Variants in XIRP2 observed in about 807,000 individuals in gnomAD.
XIRP2 encodes the protein xin actin binding repeat containing 2.
XIRP2 carries 236 observed loss-of-function variants against 277.0 expected under a neutral mutation model. The ratio of observed to expected loss-of-function variants is 0.85; its 90% confidence interval spans 0.77 to 0.95. The LOEUF (loss-of-function observed/expected upper bound fraction) is 0.95, where lower values mean the gene tolerates loss of function less well. Among genes scored for constraint, XIRP2 ranks in the 40% least tolerant of loss-of-function variants. The pLI is 0.00. For synonymous variants in XIRP2, 1,490 were observed against 1,416.5 expected, an observed-to-expected ratio of 1.05 and a Z score of -1.17; for missense variants, 4,640 against 4,157.5, an observed-to-expected ratio of 1.12 and a Z score of -3.19.
chr2:167,176,395 C>T (rs932980542), intron 3 of XIRP2, among the ~76,000 whole-genome samples: 2 of 152,150 alleles, frequency 1.3e-5, no homozygotes, highest in African/African-American at 2.4e-5. Flanking sequence ...AGATATCACC[C>T]GCCTTCTGCA....
chr2:167,102,892 G>A (rs1017954468), intron 2 of XIRP2, among the ~76,000 whole-genome samples: 1 of 152,086 alleles, frequency 6.6e-6, no homozygotes, highest in Non-Finnish European at 1.5e-5. Flanking sequence ...TGTCACTTGG[G>A]CAGTTTTATA....
chr2:166,977,557 C>T (rs1686747243), intron 2 of XIRP2, among the ~76,000 whole-genome samples: 1 of 152,146 alleles, frequency 6.6e-6, no homozygotes, highest in African/African-American at 2.4e-5. Context: ...CCCTTCAGTT[C>T]ACTTTATATT....
At chr2:167,122,414 G>A (rs536434900) in intron 2 of XIRP2, among the ~76,000 whole-genome samples, 35 of 152,276 alleles carry the variant, frequency 2.3e-4, no homozygotes, top group African/African-American at 7.9e-4. Flanking sequence ...CACATTCTAG[G>A]AGAAGCAAGG....
chr2:167,177,380 A>T (rs1394662663), intron 3 of XIRP2, among the ~76,000 whole-genome samples: 3 of 152,184 alleles, frequency 2.0e-5, no homozygotes, highest in Non-Finnish European at 2.9e-5. Flanking sequence ...TGTTATTTTA[A>T]GAATGTTTTC....
At chr2:167,008,039 A>T (rs912631325) in intron 2 of XIRP2, among the ~76,000 whole-genome samples, 1 of 151,434 alleles carries the variant, frequency 6.6e-6, no homozygotes, top group African/African-American at 2.4e-5. Flanking sequence ...TTGTCTTCTT[A>T]AAGGGGATGT....
intron 2 of XIRP2, among the ~76,000 whole-genome samples, chr2:167,023,090 A>G (rs1688032960): frequency 6.6e-6 from 1 of 152,018 alleles, no homozygotes; most frequent in African/African-American, 2.4e-5. Flanking sequence ...AAGTATTCCT[A>G]TTTCTCCACA....
chr2:166,928,664 A>G (rs896300763), intron 2 of XIRP2, among the ~76,000 whole-genome samples: 9 of 152,270 alleles, frequency 5.9e-5, no homozygotes, highest in Non-Finnish European at 1.0e-4. Flanking sequence ...TTGTGATTTA[A>G]TCAATGTTTC....
intron 2 of XIRP2, among the ~76,000 whole-genome samples, chr2:167,104,228 T>C (rs1417298662): frequency 6.6e-6 from 1 of 152,166 alleles, no homozygotes; most frequent in Non-Finnish European, 1.5e-5. Flanking sequence ...AATTACTTTT[T>C]GTGTTTCATT....
chr2:167,010,044 T>C (rs1248099389), intron 2 of XIRP2, among the ~76,000 whole-genome samples: 13 of 152,132 alleles, frequency 8.5e-5, no homozygotes, highest in Admixed American at 7.2e-4. Context: ...TAGTTTCTTT[T>C]GCTGTGCAGA....
chr2:167,001,451 A>G (rs1421737595), intron 2 of XIRP2, among the ~76,000 whole-genome samples: 1 of 152,166 alleles, frequency 6.6e-6, no homozygotes, highest in African/African-American at 2.4e-5. Context: ...AATAGTTTCA[A>G]AATGTTTTCT....
intron 2 of XIRP2, among the ~76,000 whole-genome samples, chr2:167,111,814 G>A (rs1434662577): frequency 6.6e-6 from 1 of 151,952 alleles, no homozygotes; most frequent in African/African-American, 2.4e-5. Context: ...TTTTCTGGTT[G>A]GTAGGCTTTT....
In XIRP2 at chr2:167,244,678, T is replaced by A; in HGVS notation, c.3286T>A (p.Trp1096Arg). 6.2e-7 allele frequency: 1 copy of A among 1,613,542 alleles called. No homozygotes were observed. The highest frequency in any genetic ancestry group is 8.5e-7 in the Non-Finnish European group (1 of 1,179,728). The part of the protein sequence containing the change: ...IVKGDVKTCK[W>R]LFETQPMESL... ...TAAAGGGGATGTCAAAACCTGTAAA[T>A]GGCTTTTTGAGACCCAGCCAATGGA... Residue 1096 changes from tryptophan to arginine, a missense_variant, in exon 9 of 11, where the codon TGG (tryptophan) becomes AGG (arginine). Physicochemically the swap from Trp to Arg is moderately radical, Grantham distance 101. Transcript: ENST00000409195.
chr2:167,249,434 A>T lies in XIRP2; in HGVS notation c.8042A>T (p.Glu2681Val). The stretch of plus-strand genomic sequence containing the variant: ...TGCGAAATTAAACAAAGTCACCAAG[A>T]ATGTAGTACCCAACAAACACAACAG... ...SACEIKQSHQ[E>V]CSTQQTQQKK... Residue 2681 changes from glutamate (E) to valine (V), a missense_variant, in exon 9 of 11, where the codon GAA becomes GTA. Glu to Val is a moderately radical substitution (Grantham distance 121). Transcript: ENST00000409195. 6.2e-7 allele frequency: 1 copy of T among 1,613,862 alleles called. No individual in the cohort carries two copies. Among genetic ancestry groups the T allele is most frequent in the Non-Finnish European group, 8.5e-7 (1 of 1,179,846 alleles).
chr2:167,050,031 G>A (rs532132978), intron 2 of XIRP2, among the ~76,000 whole-genome samples: 190 of 152,142 alleles, frequency 1.2e-3, no homozygotes, highest in Non-Finnish European at 2.2e-3. Flanking sequence ...CATACATTAT[G>A]ATTATATGGA....
intron 3 of XIRP2, among the ~76,000 whole-genome samples, chr2:167,157,593 G>A (rs1259150651): frequency 3.3e-5 from 5 of 152,026 alleles, no homozygotes; most frequent in Admixed American, 2.6e-4. Flanking sequence ...ACACACACAC[G>A]AAGTTCACTA....
chr2:166,967,102 C>T (rs1234645861), intron 2 of XIRP2, among the ~76,000 whole-genome samples: 1 of 151,852 alleles, frequency 6.6e-6, no homozygotes, highest in Admixed American at 6.6e-5. Context: ...TTGGCTTACC[C>T]TTCATAGTTG....
At chr2:167,187,535 A>C in intron 3 of XIRP2, 1 of 985,068 alleles carries the variant, frequency 1.0e-6, no homozygotes, top group South Asian at 4.7e-5. Flanking sequence ...ATAAAAGGTA[A>C]GTGTAATATA....
intron 1 of XIRP2, among the ~76,000 whole-genome samples, chr2:166,892,995 C>T (rs929797758): frequency 6.6e-6 from 1 of 150,870 alleles, no homozygotes; most frequent in African/African-American, 2.4e-5. Flanking sequence ...CACACACACA[C>T]ACACACACAC....
At chr2:167,253,813 A>G (rs1695582978) in intron 9 of XIRP2, among the ~76,000 whole-genome samples, 1 of 151,780 alleles carries the variant, frequency 6.6e-6, no homozygotes, top group Non-Finnish European at 1.5e-5. Flanking sequence ...CGTACAATCT[A>G]TAAATGGTAG....
Sources: gnomAD v4.1 joint callset for allele counts (sites outside exome capture counted in the v4.1 genomes callset) on GRCh38, gnomAD v4.1.1 for gene constraint, MANE v1.5 for transcripts, NCBI Gene and HGNC (gene_info 2026-07-23, HGNC 2026-07-21) for gene names.